The following MT1X variants were observed in gnomAD, a reference collection of about 807,000 sequenced individuals.
MT1X encodes metallothionein-1X.
MT1X carries 7 observed loss-of-function variants against 8.6 expected under a neutral mutation model. The observed-to-expected ratio is 0.81, with a 90% CI of 0.46 to 1.52. The LOEUF is 1.52. MT1X is among the 40% of genes most tolerant of loss of function. The pLI is 0.01. For missense variants in MT1X, 72 were observed against 74.3 expected, an observed-to-expected ratio of 0.97 and a Z score of 0.11; for synonymous variants, 25 against 27.6, an observed-to-expected ratio of 0.91 and a Z score of 0.30.
chr16:56,682,887 T>TCA, intron 1 of MT1X: 1 of 586,536 alleles, frequency 1.7e-6, no homozygotes, highest in Non-Finnish European at 3.0e-6. Flanking sequence ...CATTGCCTCT[T>TCA]CGGAGTTCAG....
chr16:56,683,927 T>G, intron 2 of MT1X, 31 bp from the exon 3 acceptor site: 1 of 1,613,740 alleles, frequency 6.2e-7, no homozygotes, highest in Non-Finnish European at 8.5e-7. Flanking sequence ...TTGAGTCTGC[T>G]CTGACCTCTC....
intron 1 of MT1X, 195 bp downstream of exon 1, chr16:56,682,763 C>G (rs1597085226): frequency 1.4e-6 from 1 of 695,048 alleles, no homozygotes; most frequent in East Asian, 2.7e-5. Flanking sequence ...GTTGAGGGTA[C>G]TGAGGCCCAA....
intron 2 of MT1X, 23 bp from the exon 3 acceptor site, chr16:56,683,935 C>G (rs766861101): frequency 6.2e-7 from 1 of 1,613,890 alleles, no homozygotes; most frequent in Non-Finnish European, 8.5e-7. Flanking sequence ...GCTCTGACCT[C>G]TCACTCTCCC....
At position 56,684,082 on chromosome 16, in the gene MT1X, G is replaced by C; in HGVS notation, c.*33G>C. On this transcript the variant is annotated 3_prime_UTR_variant, in exon 3 of 3. Transcript: ENST00000394485. ...ACAGCTGTGCTCTCAGATGTAAATA[G>C]AGCAACCTATATAAACCTGGATTTT... 6.3e-7 allele frequency: 1 copy of C among 1,579,748 alleles called. No individual in the cohort carries two copies. The highest frequency in any genetic ancestry group is 8.6e-7 in the Non-Finnish European group (1 of 1,162,944).
intron 2 of MT1X, chr16:56,683,752 C>G (rs1420126228): frequency 2.9e-6 from 2 of 690,706 alleles, no homozygotes; most frequent in East Asian, 2.7e-5. Flanking sequence ...GTCTTCTGTC[C>G]TGTCCCAGAC....
intron 1 of MT1X, chr16:56,682,886 T>C (rs2301233): frequency 0.63 from 367,591 of 584,504 alleles, 117,583 homozygotes; most frequent in East Asian, 0.9. Flanking sequence ...CCATTGCCTC[T>C]TCGGAGTTCA....
In MT1X at chr16:56,683,955, C is replaced by A. The variant is rs1285699453; in HGVS notation, c.95-3C>A. 3 of 1,613,930 alleles carry A rather than the reference C, an allele frequency of 1.9e-6. No individual in the cohort carries two copies. Among genetic ancestry groups the A allele is most frequent in the Non-Finnish European group, 2.5e-6 (3 of 1,179,976 alleles). On this transcript the variant is annotated splice_polypyrimidine_tract_variant and splice_region_variant and intron_variant, in intron 2 of 2. Transcript: ENST00000394485. ...GACCTCTCACTCTCCCCTTCTTCTC[C>A]AGGCTGCTGCTCCTGCTGCCCTGTG...
At chr16:56,683,138 C>G in intron 1 of MT1X, 27 bp from the exon 2 acceptor site, 1 of 1,613,518 alleles carries the variant, frequency 6.2e-7, no homozygotes, top group South Asian at 1.1e-5. Context: ...TCACTCCACG[C>G]TCACTGCCTT....
rs1961012152 is a variant in MT1X, at chr16:56,682,486, G to A, written c.-55G>A. 6.2e-7 allele frequency: 1 copy of A among 1,608,626 alleles called. No homozygotes were observed. Among genetic ancestry groups the A allele is most frequent in the Non-Finnish European group, 8.5e-7 (1 of 1,175,052 alleles). The stretch of plus-strand genomic sequence containing the variant: ...CTGGGCTCCACCACGCTTTTCATCT[G>A]TCCCGCTGCGTGTTTTCCTCTTGAT... On this transcript the variant is annotated 5_prime_UTR_variant, in exon 1 of 3. Coordinates refer to ENST00000394485, the MANE Select transcript of MT1X (RefSeq NM_005952.4).
At position 56,684,102 on chromosome 16, in the gene MT1X, GAT is replaced by G; in HGVS notation, c.*54_*55del. 3 of 1,437,616 alleles carry G rather than the reference GAT, an allele frequency of 2.1e-6. No individual in the cohort carries two copies. The highest frequency in any genetic ancestry group is 2.8e-6 in the Non-Finnish European group (3 of 1,072,874). 89.1% of individuals were successfully genotyped at this position (1,437,616 alleles called of 1,614,324 possible). On this transcript the variant is annotated 3_prime_UTR_variant, in exon 3 of 3. Transcript: ENST00000394485. Reference sequence around the variant, plus strand: ...AAATAGAGCAACCTATATAAACCTGGATTTTTTTTTTTTTTTTTTTTGTACAA... The same window carrying G: ...AAATAGAGCAACCTATATAAACCTGGTTTTTTTTTTTTTTTTTTTGTACAA...
At position 56,682,995 on chromosome 16, in the gene MT1X, C is replaced by G. The variant is rs1389627926; in HGVS notation, c.29-170C>G. The G allele has an allele frequency of 5.1e-6, 4 of 786,880 alleles. No homozygotes were observed. The East Asian group carries it at 1.1e-4, about 21-fold the overall frequency. The allele number at this position is 786,880 out of a possible 1,614,324, so 48.7% of individuals were successfully genotyped here. A position where few individuals can be genotyped will look rare whatever the true frequency, so the allele number is the denominator to read the frequency against. ...AAAAGCAACAGAACACTTGCCCTTC[C>G]CAAAATGAAGGGAGAGGAGATGGGG... On this transcript the variant is annotated intron_variant, in intron 1 of 2. Transcript: ENST00000394485.
chr16:56,684,089 C>A lies in MT1X; in HGVS notation c.*40C>A. The A allele has an allele frequency of 1.3e-6, 2 of 1,548,884 alleles. No individual in the cohort carries two copies. Among genetic ancestry groups the A allele is most frequent in the Non-Finnish European group, 1.7e-6 (2 of 1,147,988 alleles). On this transcript the variant is annotated 3_prime_UTR_variant, in exon 3 of 3. Coordinates refer to ENST00000394485, the MANE Select transcript of MT1X (RefSeq NM_005952.4). ...TGCTCTCAGATGTAAATAGAGCAACCTATATAAACCTGGATTTTTTTTTTT... is the reference window on the plus strand; with the variant it reads ...TGCTCTCAGATGTAAATAGAGCAACATATATAAACCTGGATTTTTTTTTTT...
intron 1 of MT1X, 145 bp from the exon 2 acceptor site, chr16:56,683,020 G>T (rs1362928139): frequency 8.5e-6 from 8 of 945,390 alleles, no homozygotes; most frequent in East Asian, 2.5e-5. Flanking sequence ...AGGAGATGGG[G>T]CTTCTCTTCC....
At chr16:56,682,761 T>A in intron 1 of MT1X, 193 bp downstream of exon 1, 1 of 697,096 alleles carries the variant, frequency 1.4e-6, no homozygotes. Flanking sequence ...GAGTTGAGGG[T>A]ACTGAGGCCC....
rs756014665 is a variant in MT1X at position 56,684,069 on chromosome 16, T to G, written c.*20T>G. On this transcript the variant is annotated 3_prime_UTR_variant, in exon 3 of 3. Coordinates refer to ENST00000394485, the MANE Select transcript of MT1X (RefSeq NM_005952.4). ...GCCTGATGCCAGGACAGCTGTGCTC[T>G]CAGATGTAAATAGAGCAACCTATAT... is the stretch of plus-strand genomic sequence containing the variant. 3.1e-6 allele frequency: 5 copies of G among 1,608,776 alleles called. No individual in the cohort carries two copies. Among genetic ancestry groups the G allele is most frequent in the South Asian group, 1.1e-5 (1 of 90,442 alleles).
rs759997926 is a variant in MT1X, at chr16:56,684,023, T to A, written c.160T>A (p.Ser54Thr). ...CAQGCICKGT[S>T]DKCSCCA is the part of the protein sequence containing the mutation. ...CCAGGGCTGCATCTGCAAAGGGACG[T>A]CAGACAAGTGCAGCTGCTGTGCCTG... is the stretch of plus-strand genomic sequence containing the variant. Residue 54 changes from serine (S) to threonine (T), a missense_variant, in exon 3 of 3, where the codon TCA (serine) becomes ACA (threonine). Coordinates refer to ENST00000394485, the MANE Select transcript of MT1X (RefSeq NM_005952.4). 1.2e-5 allele frequency: 20 copies of A among 1,613,864 alleles called. No homozygotes were observed. The highest frequency in any genetic ancestry group is 1.0e-5 in the Non-Finnish European group (12 of 1,179,988).
At chr16:56,683,137 GC>G (rs1374137928) in intron 1 of MT1X, 27 bp from the exon 2 acceptor site, 2 of 1,613,262 alleles carry the variant, frequency 1.2e-6, no homozygotes, top group South Asian at 2.2e-5. Flanking sequence ...CTCACTCCAC[GC>G]TCACTGCCTT....
In MT1X at chr16:56,682,481, C is replaced by T. The variant is rs1961012058; in HGVS notation, c.-60C>T. On this transcript the variant is annotated 5_prime_UTR_variant, in exon 1 of 3. Transcript: ENST00000394485. Reference sequence around the variant, plus strand: ...GGCTTCTGGGCTCCACCACGCTTTTCATCTGTCCCGCTGCGTGTTTTCCTC... The same window carrying T: ...GGCTTCTGGGCTCCACCACGCTTTTTATCTGTCCCGCTGCGTGTTTTCCTC... 2.5e-6 allele frequency: 4 copies of T among 1,605,382 alleles called. No homozygotes were observed. The highest frequency in any genetic ancestry group is 3.4e-6 in the Non-Finnish European group (4 of 1,172,120).
rs111606576 is a variant in MT1X, at chr16:56,683,302, G to A, written c.94+72G>A. On this transcript the variant is annotated intron_variant, in intron 2 of 2. Coordinates refer to ENST00000394485, the MANE Select transcript of MT1X (RefSeq NM_005952.4). ...GAGCAGGGAACCCAGAGCTCTGCAG[G>A]CAGGGGCAGGCCAATGACCAGCTTC... is the stretch of plus-strand genomic sequence containing the variant. 1,516 of 1,576,144 alleles carry A rather than the reference G, an allele frequency of 9.6e-4. 19 individuals carry two copies. In the African/African-American group the frequency reaches 0.016, roughly 16 times the overall value.
Sources: allele counts gnomAD v4.1 joint callset, GRCh38; gene constraint gnomAD v4.1.1; transcripts MANE v1.5; gene names NCBI Gene and HGNC (gene_info 2026-07-23, HGNC 2026-07-21).